Variants in AGBL1 observed in about 807,000 individuals in gnomAD.
AGBL1 encodes cytosolic carboxypeptidase 4.
A neutral mutation model predicts 118.9 loss-of-function variants in AGBL1; 130 were observed. The observed-to-expected ratio is 1.09, with a 90% CI of 0.95 to 1.26. The LOEUF is 1.26. Ranked by LOEUF, AGBL1 falls within the 50% of genes most tolerant of loss-of-function variation. AGBL1 has a pLI of 0.00. For synonymous variants in AGBL1, 555 were observed against 478.9 expected (o/e 1.16, Z -2.08); for missense variants, 1,584 against 1,298.1 (o/e 1.22, Z -3.38).
At chr15:87,023,342 G>GA (rs2081689230) in intron 24 of AGBL1, among the ~76,000 whole-genome samples, 1 of 151,910 alleles carries the variant, frequency 6.6e-6, no homozygotes, top group African/African-American at 2.4e-5. Flanking sequence ...AGTTATGTAA[G>GA]AAAAAACAAA....
At chr15:86,414,352 T>C (rs1431012761) in intron 18 of AGBL1, among the ~76,000 whole-genome samples, 1 of 152,212 alleles carries the variant, frequency 6.6e-6, no homozygotes, top group Non-Finnish European at 1.5e-5. Flanking sequence ...CAAAGAGTTC[T>C]GTGTAGAGAT....
chr15:86,127,359 A>C (rs2076760354), intron 1 of AGBL1, among the ~76,000 whole-genome samples: 1 of 152,258 alleles, frequency 6.6e-6, no homozygotes, highest in Admixed American at 6.5e-5. Flanking sequence ...TATCAGAGTC[A>C]ATCTTTTATA....
intron 23 of AGBL1, among the ~76,000 whole-genome samples, chr15:86,934,317 G>A (rs1255298646): frequency 1.3e-5 from 2 of 152,130 alleles, no homozygotes; most frequent in Non-Finnish European, 2.9e-5. Flanking sequence ...TGTCCAGAAA[G>A]CTGTTAAAGC....
intron 21 of AGBL1, among the ~76,000 whole-genome samples, chr15:86,586,051 C>G (rs964131991): frequency 6.6e-6 from 1 of 152,172 alleles, no homozygotes; most frequent in Non-Finnish European, 1.5e-5. Context: ...GCCTCTGCAC[C>G]GAATAGAACC....
At chr15:86,962,025 C>G (rs1375910801) in intron 23 of AGBL1, among the ~76,000 whole-genome samples, 1 of 152,092 alleles carries the variant, frequency 6.6e-6, no homozygotes, top group African/African-American at 2.4e-5. Flanking sequence ...AAACAAATCT[C>G]TTGTGATGTA....
intron 16 of AGBL1, among the ~76,000 whole-genome samples, 192 bp downstream of exon 16, chr15:86,279,975 G>A (rs1185197193): frequency 2.0e-5 from 3 of 152,132 alleles, no homozygotes; most frequent in African/African-American, 7.2e-5. Context: ...CTCCTTCCCT[G>A]GACAGAGCAC....
intron 21 of AGBL1, among the ~76,000 whole-genome samples, chr15:86,661,299 C>A (rs935448608): frequency 6.6e-6 from 1 of 152,026 alleles, no homozygotes; most frequent in African/African-American, 2.4e-5. Flanking sequence ...AAACGCTGTG[C>A]TAGAGATGTA....
chr15:86,460,455 C>T (rs2082319940), intron 18 of AGBL1, among the ~76,000 whole-genome samples: 1 of 151,750 alleles, frequency 6.6e-6, no homozygotes. Flanking sequence ...ATGACTGAGC[C>T]ACTGCACTCC....
intron 22 of AGBL1, among the ~76,000 whole-genome samples, chr15:86,803,315 C>G (rs1467667699): frequency 6.6e-6 from 1 of 152,118 alleles, no homozygotes; most frequent in Non-Finnish European, 1.5e-5. Flanking sequence ...TCATGCTCTT[C>G]TCTCTCCTTC....
chr15:86,283,588 CAG>C (rs2079390976), intron 16 of AGBL1, among the ~76,000 whole-genome samples: 1 of 152,010 alleles, frequency 6.6e-6, no homozygotes, highest in Admixed American at 6.6e-5. Context: ...ATAAAAGACT[CAG>C]AATAAATGAA....
intron 22 of AGBL1, among the ~76,000 whole-genome samples, chr15:86,880,626 G>A (rs1475467292): frequency 2.0e-5 from 3 of 152,164 alleles, no homozygotes; most frequent in Admixed American, 6.5e-5. Context: ...ACATGCAGAT[G>A]TGAATTGTGT....
intron 21 of AGBL1, among the ~76,000 whole-genome samples, chr15:86,641,944 A>C (rs1379274162): frequency 3.9e-5 from 6 of 152,128 alleles, no homozygotes; most frequent in Admixed American, 2.6e-4. Flanking sequence ...TCAGACTGTG[A>C]AAGGACTTCA....
intron 19 of AGBL1, among the ~76,000 whole-genome samples, chr15:86,528,115 C>T (rs2083292199): frequency 1.3e-5 from 2 of 152,016 alleles, no homozygotes; most frequent in African/African-American, 2.4e-5. Flanking sequence ...CCAAGATGGC[C>T]GAATAGGAAC....
intron 17 of AGBL1, chr15:86,296,539 C>T (rs762924002): frequency 1.3e-5 from 2 of 152,174 alleles, no homozygotes; most frequent in African/African-American, 4.8e-5. Context: ...TACAGCCTTC[C>T]CTGATGAAGT....
chr15:86,611,098 G>T (rs559811042), intron 21 of AGBL1, among the ~76,000 whole-genome samples: 5 of 152,286 alleles, frequency 3.3e-5, no homozygotes, highest in African/African-American at 7.2e-5. Context: ...AACAGGACTT[G>T]TATCTTGTAT....
At chr15:86,632,243 G>A (rs2084983267) in intron 21 of AGBL1, among the ~76,000 whole-genome samples, 1 of 148,764 alleles carries the variant, frequency 6.7e-6, no homozygotes, top group Non-Finnish European at 1.5e-5. Flanking sequence ...ACTCCAGCCA[G>A]GGTGGCAGCG....
At chr15:86,081,008 T>A (rs1895243804) in intron 1 of AGBL1, among the ~76,000 whole-genome samples, 1 of 152,118 alleles carries the variant, frequency 6.6e-6, no homozygotes, top group Non-Finnish European at 1.5e-5. Context: ...CCTTTTTCCC[T>A]GTTGGGAAAA....
chr15:86,347,017 G>A (rs1425236566), intron 17 of AGBL1, among the ~76,000 whole-genome samples: 3 of 152,154 alleles, frequency 2.0e-5, no homozygotes, highest in African/African-American at 7.2e-5. Flanking sequence ...ATTAATAATA[G>A]CATCTGACGG....
chr15:86,524,950 G>A lies in AGBL1; in HGVS notation c.2685+2011G>A, dbSNP rs563992823. ...AAAGGGCATCCAAATTGGAAAAGAG[G>A]AAATCAAATTATTTCTGTTTGCTAA... On this transcript the variant is annotated intron_variant, in intron 19 of 22. Transcript: ENST00000614907. Among the ~76,000 whole-genome samples, 3 of 152,190 alleles carry A rather than the reference G, an allele frequency of 2.0e-5. No homozygotes were observed. In the East Asian group the frequency reaches 5.8e-4, roughly 29 times the overall value.
Sources: allele counts gnomAD v4.1 joint callset (sites outside exome capture counted in the v4.1 genomes callset), GRCh38; gene constraint gnomAD v4.1.1; transcripts MANE v1.5; gene names NCBI Gene and HGNC (gene_info 2026-07-23, HGNC 2026-07-21).